TEAD1: variants seen among roughly 807,000 people sequenced by gnomAD.
The protein encoded by TEAD1 is transcriptional enhancer factor TEF-1.
A neutral mutation model predicts 54.9 loss-of-function variants in TEAD1; 9 were observed. The ratio of observed to expected loss-of-function variants is 0.16; its 90% CI spans 0.10 to 0.29. The LOEUF is 0.29. Among genes scored for constraint, TEAD1 ranks in the 10% least tolerant of loss-of-function variants. The pLI, the probability that TEAD1 is intolerant of heterozygous loss-of-function variation, is 1.00. For synonymous variants in TEAD1, 200 were observed against 187.8 expected, an observed-to-expected ratio of 1.07 and a Z score of -0.53; for missense variants, 387 against 535.9, an observed-to-expected ratio of 0.72 and a Z score of 2.74.
chr11:12,907,956 G>A (rs1948548874), intron 10 of TEAD1, among the ~76,000 whole-genome samples: 1 of 152,122 alleles, frequency 6.6e-6, no homozygotes, highest in Non-Finnish European at 1.5e-5. Context: ...TAGCAGCCTT[G>A]GTAGTTTCTC....
chr11:12,918,539 A>G (rs945153515), intron 10 of TEAD1, among the ~76,000 whole-genome samples: 1 of 152,066 alleles, frequency 6.6e-6, no homozygotes, highest in African/African-American at 2.4e-5. Flanking sequence ...TTAAATTTAC[A>G]CTAATAATTA....
chr11:12,894,408 G>C (rs1948265996), intron 9 of TEAD1, among the ~76,000 whole-genome samples: 1 of 151,946 alleles, frequency 6.6e-6, no homozygotes, highest in African/African-American at 2.4e-5. Flanking sequence ...AATACATCTA[G>C]AATGTATTGT....
chr11:12,935,293 G>C (rs765594227), intron 12 of TEAD1, among the ~76,000 whole-genome samples: 1 of 152,114 alleles, frequency 6.6e-6, no homozygotes, highest in Non-Finnish European at 1.5e-5. Flanking sequence ...GAACCTCTCA[G>C]CTCCTTCCCT....
intron 9 of TEAD1, among the ~76,000 whole-genome samples, chr11:12,887,158 G>A (rs371286428): frequency 5.4e-5 from 8 of 147,606 alleles, no homozygotes; most frequent in Admixed American, 2.0e-4. Flanking sequence ...GTGCGGTGGC[G>A]CGATCTTGGC....
intron 2 of TEAD1, among the ~76,000 whole-genome samples, chr11:12,704,074 T>C (rs1943762755): frequency 1.3e-5 from 2 of 152,194 alleles, no homozygotes; most frequent in East Asian, 1.9e-4. Flanking sequence ...GAGATACATA[T>C]ATTTATTTCT....
At chr11:12,760,810 C>A (rs956079199) in intron 2 of TEAD1, among the ~76,000 whole-genome samples, 4 of 152,098 alleles carry the variant, frequency 2.6e-5, no homozygotes, top group Non-Finnish European at 5.9e-5. Flanking sequence ...CTGGAAGGAA[C>A]CTGGGGGATG....
At chr11:12,902,261 C>A in intron 10 of TEAD1, 148 bp downstream of exon 10, 1 of 1,091,302 alleles carries the variant, frequency 9.2e-7, no homozygotes, top group Non-Finnish European at 1.4e-6. Flanking sequence ...CACGGACTCA[C>A]ACCTGTGAAC....
intron 3 of TEAD1, among the ~76,000 whole-genome samples, chr11:12,770,618 C>T (rs1421594261): frequency 6.6e-6 from 1 of 152,166 alleles, no homozygotes; most frequent in Non-Finnish European, 1.5e-5. Flanking sequence ...TAATTATGCC[C>T]ATTTTGCTGC....
chr11:12,755,047 C>T (rs1944959476), intron 2 of TEAD1, among the ~76,000 whole-genome samples: 1 of 152,312 alleles, frequency 6.6e-6, no homozygotes, highest in African/African-American at 2.4e-5. Context: ...GCTGCTGGGA[C>T]CTGGAGTGAG....
chr11:12,904,427 T>C lies in TEAD1; in HGVS notation c.873+2314T>C, dbSNP rs576486417. 1.1e-3 allele frequency among the ~76,000 whole-genome samples: 165 copies of C among 152,298 alleles called. 1 individual carries two copies. The highest frequency in any genetic ancestry group is 1.6e-3 in the Non-Finnish European group (109 of 68,022). ...GAGATCCACGATGATATTGACAAAA[T>C]GTAATTTGATATTGTGTTAGAGCAA... On this transcript the variant is annotated intron_variant, in intron 10 of 12. Transcript: ENST00000527636.
At chr11:12,745,747 TA>T (rs550940630) in intron 2 of TEAD1, among the ~76,000 whole-genome samples, 67 of 147,606 alleles carry the variant, frequency 4.5e-4, no homozygotes, top group East Asian at 1.4e-3. Context: ...AATTAATTGT[TA>T]AAAAAAAAAA....
chr11:12,932,968 A>T (rs568771901), intron 12 of TEAD1, among the ~76,000 whole-genome samples: 40 of 152,328 alleles, frequency 2.6e-4, no homozygotes, highest in African/African-American at 9.6e-4. Flanking sequence ...GTAATAGCCT[A>T]CAGTAATCAG....
At chr11:12,907,876 C>T (rs1348555493) in intron 10 of TEAD1, among the ~76,000 whole-genome samples, 3 of 152,164 alleles carry the variant, frequency 2.0e-5, no homozygotes, top group Admixed American at 6.5e-5. Flanking sequence ...TCAGGGAGCA[C>T]GGTTCTGTCA....
At chr11:12,927,127 G>T (rs556476086) in intron 11 of TEAD1, among the ~76,000 whole-genome samples, 3 of 152,214 alleles carry the variant, frequency 2.0e-5, no homozygotes, top group Admixed American at 1.3e-4. Flanking sequence ...AGCAGGGAAA[G>T]GTTGCTCTTG....
chr11:12,755,925 A>G (rs995536853), intron 2 of TEAD1, among the ~76,000 whole-genome samples: 3 of 152,286 alleles, frequency 2.0e-5, no homozygotes, highest in East Asian at 1.9e-4. Context: ...TCTGTTCTCA[A>G]TGGCTAACAG....
chr11:12,877,714 C>T (rs892888479), intron 5 of TEAD1, among the ~76,000 whole-genome samples: 10 of 149,888 alleles, frequency 6.7e-5, no homozygotes, highest in Admixed American at 5.3e-4. Context: ...TCTTTTTCCC[C>T]CCTCCCCTCC....
intron 9 of TEAD1, among the ~76,000 whole-genome samples, chr11:12,891,432 A>G (rs568221168): frequency 6.6e-6 from 1 of 152,342 alleles, no homozygotes; most frequent in South Asian, 2.1e-4. Context: ...GGCTGAGGAA[A>G]TGGCAGAGGG....
At chr11:12,920,701 A>T (rs1948788960) in intron 10 of TEAD1, among the ~76,000 whole-genome samples, 1 of 152,238 alleles carries the variant, frequency 6.6e-6, no homozygotes, top group Non-Finnish European at 1.5e-5. Flanking sequence ...ATCAACTAGT[A>T]CAATGTTAGC....
chr11:12,800,515 T>A (rs139614715), intron 3 of TEAD1, among the ~76,000 whole-genome samples: 1 of 152,322 alleles, frequency 6.6e-6, no homozygotes, highest in African/African-American at 2.4e-5. Context: ...TAGAGATACG[T>A]TCAGAGGGCT....
Sources: allele counts gnomAD v4.1 joint callset (sites outside exome capture counted in the v4.1 genomes callset), GRCh38; gene constraint gnomAD v4.1.1; transcripts MANE v1.5; gene names NCBI Gene and HGNC (gene_info 2026-07-23, HGNC 2026-07-21).